The following TENT4B variants were observed in gnomAD, a reference collection of about 807,000 sequenced individuals.
TENT4B encodes terminal nucleotidyltransferase 4B, also known as PAP associated domain containing 5.
TENT4B carries 10 observed loss-of-function variants against 75.0 expected under a neutral mutation model. The ratio of observed to expected loss-of-function variants is 0.13; its 90% CI spans 0.08 to 0.23. The LOEUF is 0.23. Ranked by LOEUF, TENT4B falls within the 10% of genes least tolerant of loss-of-function variation. The pLI is 1.00. For synonymous variants in TENT4B, 350 were observed against 357.7 expected (o/e 0.98, Z 0.24); for missense variants, 579 against 893.8 (o/e 0.65, Z 4.49).
chr16:50,160,099 G>C (rs1175267797), intron 1 of TENT4B, among the ~76,000 whole-genome samples: 1 of 151,868 alleles, frequency 6.6e-6, no homozygotes, highest in Admixed American at 6.6e-5. Context: ...GGGTTTCGCC[G>C]TGTTGGCCAG....
chr16:50,203,559 T>G (rs1237916618), intron 1 of TENT4B, among the ~76,000 whole-genome samples: 1 of 152,200 alleles, frequency 6.6e-6, no homozygotes, highest in Non-Finnish European at 1.5e-5. Flanking sequence ...ACATGCAGAC[T>G]TCCTTTGCCT....
At chr16:50,175,609 C>T (rs566137113) in intron 1 of TENT4B, among the ~76,000 whole-genome samples, 6 of 152,000 alleles carry the variant, frequency 3.9e-5, no homozygotes, top group Admixed American at 6.6e-5. Flanking sequence ...CTCAGCCTCC[C>T]GAGTAGCACA....
At chr16:50,176,043 A>G (rs1213451783) in intron 1 of TENT4B, among the ~76,000 whole-genome samples, 1 of 151,644 alleles carries the variant, frequency 6.6e-6, no homozygotes, top group East Asian at 1.9e-4. Flanking sequence ...TTGGCCTCCC[A>G]AAGTGTTGGG....
chr16:50,159,220 C>T (rs927795579), intron 1 of TENT4B, among the ~76,000 whole-genome samples: 3 of 150,694 alleles, frequency 2.0e-5, no homozygotes, highest in Non-Finnish European at 4.4e-5. Flanking sequence ...CTCTCGCTCT[C>T]GCTCCCTCCC....
chr16:50,190,230 C>T (rs748976131), intron 1 of TENT4B, among the ~76,000 whole-genome samples: 2 of 151,956 alleles, frequency 1.3e-5, no homozygotes, highest in Non-Finnish European at 2.9e-5. Flanking sequence ...TGTATCTCTG[C>T]TGATCAGCTA....
At chr16:50,200,848 G>A (rs746765045) in intron 1 of TENT4B, among the ~76,000 whole-genome samples, 20 of 151,744 alleles carry the variant, frequency 1.3e-4, no homozygotes, top group Non-Finnish European at 2.6e-4. Context: ...AGGCTAGAGT[G>A]CAGTGGCATG....
Position 50,234,600 on chromosome 16 carries a change from C to G in TENT4B, c.*5272C>G. On this transcript the variant is annotated 3_prime_UTR_variant, in exon 12 of 12. Transcript: ENST00000561678. ...CTTAATCTCCTAATTTTAAGATCCTCTCTGATTTTTGCATATTGAAACTTA... is the reference window on the plus strand; with the variant it reads ...CTTAATCTCCTAATTTTAAGATCCTGTCTGATTTTTGCATATTGAAACTTA... 1.0e-6 allele frequency: 1 copy of G among 984,224 alleles called. No homozygotes were observed. Among genetic ancestry groups the G allele is most frequent in the Non-Finnish European group, 1.2e-6 (1 of 828,856 alleles). 61.0% of individuals were successfully genotyped at this position (984,224 alleles called of 1,614,324 possible).
At chr16:50,198,262 C>CA (rs1469801573) in intron 1 of TENT4B, among the ~76,000 whole-genome samples, 1 of 150,894 alleles carries the variant, frequency 6.6e-6, no homozygotes. Context: ...ACAAAAAATA[C>CA]AAAAAAATTA....
At chr16:50,227,244 A>G (rs2032098016) in intron 10 of TENT4B, among the ~76,000 whole-genome samples, 1 of 152,210 alleles carries the variant, frequency 6.6e-6, no homozygotes, top group African/African-American at 2.4e-5. Context: ...GATGTCACAG[A>G]CACAGGGAGA....
intron 1 of TENT4B, among the ~76,000 whole-genome samples, chr16:50,172,586 T>TC (rs2038227999): frequency 6.6e-6 from 1 of 151,874 alleles, no homozygotes; most frequent in African/African-American, 2.4e-5. Context: ...CTCCCTCACA[T>TC]TTCCCCATTA....
intron 10 of TENT4B, among the ~76,000 whole-genome samples, chr16:50,227,185 C>G (rs143657620): frequency 6.6e-6 from 1 of 152,268 alleles, no homozygotes; most frequent in Non-Finnish European, 1.5e-5. Flanking sequence ...TCCCTGTGTG[C>G]TTTTTTGGTT....
chr16:50,211,413 G>C lies in TENT4B; in HGVS notation c.729G>C (p.Glu243Asp). ...KMRMEVVNRIESVIKELWPSA... is the reference protein window; with the variant it reads ...KMRMEVVNRIDSVIKELWPSA... ...GGATGGAGGTGGTGAACAGGATCGA[G>C]AGTGTAATTAAGGAGCTCTGGCCCA... Residue 243 changes from glutamate to aspartate, a missense_variant, in exon 2 of 12, where the codon GAG becomes GAC. By Grantham distance (45) the Glu-to-Asp change is conservative. Around this residue, in one of 7 missense-constraint regions of TENT4B, gnomAD observed 18 missense variants for 23.9 expected, o/e 0.75. Coordinates refer to ENST00000561678, the MANE Select transcript of TENT4B (RefSeq NM_001365324.3). 6.2e-7 allele frequency: 1 copy of C among 1,606,246 alleles called. No individual in the cohort carries two copies. Among genetic ancestry groups the C allele is most frequent in the Non-Finnish European group, 8.5e-7 (1 of 1,178,132 alleles).
At position 50,232,283 on chromosome 16, in the gene TENT4B, G is replaced by A; in HGVS notation, c.*2955G>A. On this transcript the variant is annotated 3_prime_UTR_variant, in exon 12 of 12. Transcript: ENST00000561678. ...TTTTCAAATCTAGCTTGGATCTGTA[G>A]GACCTATGTTTTTTACAAGTAATTG... 8 of 985,332 alleles carry A rather than the reference G, an allele frequency of 8.1e-6. No individual in the cohort carries two copies. Among genetic ancestry groups the A allele is most frequent in the Non-Finnish European group, 8.4e-6 (7 of 829,908 alleles). 61.0% of individuals were successfully genotyped at this position (985,332 alleles called of 1,614,324 possible).
At chr16:50,225,346 T>C in intron 10 of TENT4B, 61 bp downstream of exon 10, 2 of 1,453,692 alleles carry the variant, frequency 1.4e-6, no homozygotes, top group Non-Finnish European at 1.9e-6. Flanking sequence ...TTGCTGGGGT[T>C]AACACTGTCT....
intron 1 of TENT4B, among the ~76,000 whole-genome samples, chr16:50,201,076 A>G (rs1384183981): frequency 6.6e-6 from 1 of 152,146 alleles, no homozygotes; most frequent in African/African-American, 2.4e-5. Flanking sequence ...TGCTGATTAT[A>G]GGCCTGAGCC....
intron 7 of TENT4B, among the ~76,000 whole-genome samples, chr16:50,224,033 G>A (rs1596752242): frequency 6.6e-6 from 1 of 152,202 alleles, no homozygotes; most frequent in South Asian, 2.1e-4. Context: ...TTCAGTGGAA[G>A]TGCTTTTAGT....
Position 50,229,890 on chromosome 16 carries a change from T to C in TENT4B, c.*562T>C, listed in dbSNP as rs1241257111. 2.2e-6 allele frequency: 2 copies of C among 914,832 alleles called. No homozygotes were observed. Among genetic ancestry groups the C allele is most frequent in the South Asian group, 1.0e-4 (2 of 19,806 alleles). The allele number at this position is 914,832 out of a possible 1,614,324, so 56.7% of individuals were successfully genotyped here. On this transcript the variant is annotated 3_prime_UTR_variant, in exon 12 of 12. Coordinates refer to ENST00000561678, the MANE Select transcript of TENT4B (RefSeq NM_001365324.3). ...ATAGTGGATTTGTTAATAATACTTT[T>C]TACATAACATTACTGTTTAAATTGT...
At chr16:50,191,809 C>G (rs1009115453) in intron 1 of TENT4B, among the ~76,000 whole-genome samples, 1 of 151,586 alleles carries the variant, frequency 6.6e-6, no homozygotes, top group East Asian at 1.9e-4. Context: ...ATCCCAGCTA[C>G]TGGGGAGGCT....
At chr16:50,202,909 C>CT (rs1167723389) in intron 1 of TENT4B, among the ~76,000 whole-genome samples, 1 of 152,166 alleles carries the variant, frequency 6.6e-6, no homozygotes, top group Non-Finnish European at 1.5e-5. Flanking sequence ...CCTTCTGAAA[C>CT]ATTGGCCTAA....
Sources: gnomAD v4.1 joint callset for allele counts (sites outside exome capture counted in the v4.1 genomes callset) on GRCh38, gnomAD v4.1.1 for gene constraint, gnomAD v4.1.1 regional missense constraint, MANE v1.5 for transcripts, NCBI Gene and HGNC (gene_info 2026-07-23, HGNC 2026-07-21) for gene names.